The following CSMD3 variants were observed in gnomAD, a reference collection of about 807,000 sequenced individuals.
CSMD3 encodes CUB and sushi domain-containing protein 3.
Under a neutral mutation model 435.2 loss-of-function variants are expected in CSMD3, and 177 were observed. The ratio of observed to expected loss-of-function variants is 0.41; its 90% CI spans 0.36 to 0.46. CSMD3 has a LOEUF of 0.46. CSMD3 is among the 20% of genes least tolerant of loss of function. The pLI, the probability that CSMD3 is intolerant of heterozygous loss-of-function variation, is 0.34. For synonymous variants in CSMD3, 1,656 were observed against 1,520.5 expected, an observed-to-expected ratio of 1.09 and a Z score of -2.07; for missense variants, 4,265 against 4,504.6, an observed-to-expected ratio of 0.95 and a Z score of 1.52.
chr8:113,344,327 T>A (rs1158599528), intron 1 of CSMD3, among the ~76,000 whole-genome samples: 1 of 152,024 alleles, frequency 6.6e-6, no homozygotes. Context: ...TTCACATCTG[T>A]TTTTTTCTTT....
chr8:113,073,183 C>T (rs935010728), intron 5 of CSMD3, among the ~76,000 whole-genome samples: 4 of 151,752 alleles, frequency 2.6e-5, no homozygotes, highest in Non-Finnish European at 4.4e-5. Context: ...ATTCAACATA[C>T]TATTTCATCT....
At chr8:113,349,775 C>T (rs754152335) in intron 1 of CSMD3, among the ~76,000 whole-genome samples, 13 of 151,990 alleles carry the variant, frequency 8.6e-5, no homozygotes, top group African/African-American at 1.4e-4. Flanking sequence ...TCTGCAAAAT[C>T]GGTAACTTCC....
At chr8:112,314,384 T>C (rs760729738) in intron 48 of CSMD3, 45 bp downstream of exon 48, 4 of 1,319,782 alleles carry the variant, frequency 3.0e-6, no homozygotes, top group African/African-American at 1.5e-5. Context: ...ATTAGAACAT[T>C]TGTACTTAAT....
chr8:112,582,923 C>T (rs1344588436), intron 23 of CSMD3, among the ~76,000 whole-genome samples: 1 of 152,000 alleles, frequency 6.6e-6, no homozygotes, highest in Admixed American at 6.6e-5. Flanking sequence ...ACATAATCTG[C>T]TAGTGCCTTA....
intron 2 of CSMD3, among the ~76,000 whole-genome samples, chr8:113,301,107 A>G (rs1359619224): frequency 6.6e-6 from 1 of 151,506 alleles, no homozygotes; most frequent in Non-Finnish European, 1.5e-5. Context: ...TATAATTTCG[A>G]AAAAAGTTAA....
chr8:112,957,143 A>G (rs2084049608), intron 7 of CSMD3, among the ~76,000 whole-genome samples: 1 of 152,160 alleles, frequency 6.6e-6, no homozygotes, highest in South Asian at 2.1e-4. Context: ...GGTATTTAAT[A>G]TTACAATATA....
chr8:112,399,481 T>C (rs920864108), intron 35 of CSMD3, among the ~76,000 whole-genome samples: 16 of 152,132 alleles, frequency 1.1e-4, no homozygotes, highest in African/African-American at 3.9e-4. Context: ...GGCTTCGAAC[T>C]CCTGACCTTG....
chr8:112,629,264 C>T (rs2074444483), intron 22 of CSMD3, among the ~76,000 whole-genome samples: 1 of 151,924 alleles, frequency 6.6e-6, no homozygotes, highest in Non-Finnish European at 1.5e-5. Flanking sequence ...TGTGGTGGCA[C>T]CATCACAGCT....
chr8:113,219,888 A>T (rs992319243), intron 3 of CSMD3, among the ~76,000 whole-genome samples: 1 of 151,540 alleles, frequency 6.6e-6, no homozygotes. Flanking sequence ...TATTACAAAC[A>T]AAGTGTTCAT....
Position 112,561,889 on chromosome 8 carries a change from G to A in CSMD3, c.4043-4935C>T, listed in dbSNP as rs149224106. On this transcript the variant is annotated intron_variant, in intron 24 of 70. Coordinates refer to ENST00000297405, the MANE Select transcript of CSMD3 (RefSeq NM_198123.2). ...TATATACCCAGGCATGCACACATGC[G>A]CACACTCACACACACACAAACACAT... is the stretch of plus-strand genomic sequence containing the variant. Among the ~76,000 whole-genome samples the A allele has an allele frequency of 1.0e-3, 151 of 151,450 alleles. 1 individual carries two copies. In the East Asian group the frequency reaches 0.019, roughly 19 times the overall value.
At chr8:113,335,537 CTTTTTTTTTTTT>C (rs1222360431) in intron 1 of CSMD3, among the ~76,000 whole-genome samples, 2 of 29,726 alleles carry the variant, frequency 6.7e-5, no homozygotes, top group East Asian at 1.6e-3. Context: ...CCTCCTCCTT[CTTTTTTTTTTTT>C]TTTTTTTTTT....
At chr8:112,965,654 A>AT (rs927056194) in intron 7 of CSMD3, among the ~76,000 whole-genome samples, 14 of 151,956 alleles carry the variant, frequency 9.2e-5, no homozygotes, top group Admixed American at 2.0e-4. Flanking sequence ...ATAAATTTTC[A>AT]TTGTTTAATA....
intron 32 of CSMD3, among the ~76,000 whole-genome samples, chr8:112,455,469 T>C (rs747647489): frequency 1.3e-5 from 2 of 152,102 alleles, no homozygotes; most frequent in Non-Finnish European, 2.9e-5. Flanking sequence ...TTATGTTTAG[T>C]ACCTGGCTGA....
At position 112,872,813 on chromosome 8, in the gene CSMD3, AG is replaced by A. The variant is rs879769087; in HGVS notation, c.1634-13548del. The stretch of plus-strand genomic sequence containing the variant: ...CCCAGTAAGAAAATAAGACATATTA[AG>A]AGGTGAGATAGAATGATATAAATTA... On this transcript the variant is annotated intron_variant, in intron 10 of 70. Transcript: ENST00000297405. Among the ~76,000 whole-genome samples the A allele has an allele frequency of 5.3e-5, 8 of 152,026 alleles. 1 individual carries two copies. The highest frequency in any genetic ancestry group is 5.2e-4 in the Admixed American group (8 of 15,242).
chr8:113,010,640 C>G (rs1419862288), intron 6 of CSMD3, among the ~76,000 whole-genome samples: 2 of 151,476 alleles, frequency 1.3e-5, no homozygotes, highest in Non-Finnish European at 3.0e-5. Context: ...TTTACAAATT[C>G]CATGAGATCA....
chr8:112,935,660 T>C (rs960443396), intron 9 of CSMD3, among the ~76,000 whole-genome samples: 2 of 151,894 alleles, frequency 1.3e-5, no homozygotes, highest in South Asian at 2.1e-4. Context: ...AATGACTGGA[T>C]TAGAGTGGGA....
At chr8:113,026,094 G>T (rs903242467) in intron 5 of CSMD3, among the ~76,000 whole-genome samples, 3 of 152,184 alleles carry the variant, frequency 2.0e-5, no homozygotes, top group African/African-American at 7.2e-5. Flanking sequence ...ATGCAGCCAT[G>T]TTAACTCCAG....
At chr8:113,226,549 A>G (rs768189343) in intron 3 of CSMD3, among the ~76,000 whole-genome samples, 8 of 151,668 alleles carry the variant, frequency 5.3e-5, no homozygotes, top group Non-Finnish European at 1.0e-4. Flanking sequence ...TTTTCTGGCC[A>G]TTGTTGAATG....
At chr8:112,849,450 A>G (rs2080422616) in intron 11 of CSMD3, among the ~76,000 whole-genome samples, 1 of 152,056 alleles carries the variant, frequency 6.6e-6, no homozygotes, top group Admixed American at 6.6e-5. Flanking sequence ...ATTTTACTAT[A>G]ATTTACATGT....
Sources: gnomAD v4.1 joint callset for allele counts (sites outside exome capture counted in the v4.1 genomes callset) on GRCh38, gnomAD v4.1.1 for gene constraint, MANE v1.5 for transcripts, NCBI Gene and HGNC (gene_info 2026-07-23, HGNC 2026-07-21) for gene names.